SNTG2: variants seen among roughly 807,000 people sequenced by gnomAD.
The protein encoded by SNTG2 is gamma-2-syntrophin.
Under a neutral mutation model 70.9 loss-of-function variants are expected in SNTG2, and 74 were observed. The ratio of observed to expected loss-of-function variants is 1.04; its 90% confidence interval spans 0.86 to 1.27. The LOEUF (loss-of-function observed/expected upper bound fraction) is 1.27, where lower values mean the gene tolerates loss of function less well. Among genes scored for constraint, SNTG2 ranks in the 50% most tolerant of loss-of-function variants. The pLI, the probability that SNTG2 is intolerant of heterozygous loss-of-function variation, is 0.00. For synonymous variants in SNTG2, 278 were observed against 273.8 expected (o/e 1.02, Z -0.15); for missense variants, 717 against 690.7 (o/e 1.04, Z -0.43).
chr2:1,084,807 A>G (rs1307089506), intron 2 of SNTG2, among the ~76,000 whole-genome samples: 1 of 152,158 alleles, frequency 6.6e-6, no homozygotes, highest in Non-Finnish European at 1.5e-5. Flanking sequence ...TCCAGAGAGG[A>G]CGATCACTGT....
intron 14 of SNTG2, among the ~76,000 whole-genome samples, chr2:1,301,665 G>C (rs1680460439): frequency 6.6e-6 from 1 of 152,104 alleles, no homozygotes; most frequent in South Asian, 2.1e-4. Flanking sequence ...ACACTACAGA[G>C]GCCAGAAGGG....
chr2:1,114,797 G>T (rs542406551), intron 4 of SNTG2, among the ~76,000 whole-genome samples: 3 of 152,184 alleles, frequency 2.0e-5, no homozygotes, highest in South Asian at 4.1e-4. Flanking sequence ...ACTAAGGGAA[G>T]TTTAACCCTT....
chr2:951,066 C>G lies in SNTG2; in HGVS notation c.70C>G (p.Arg24Gly), dbSNP rs954775834. ...CCAGGGCTGCCTGCTGGTACCTGCG[C>G]GGGTGAGTGCGGCCCCTCAGCGCCC... ...GRQGCLLVPA[R>G]TKTTIALLYD... The change falls in exon 1 of 17, where the codon CGG (arginine) becomes GGG (glycine). Residue 24 changes from arginine (R) to glycine (G), a missense_variant and splice_region_variant. Arg to Gly is a moderately radical substitution (Grantham distance 125). Transcript: ENST00000308624. 1 of 1,261,732 alleles carries G rather than the reference C, an allele frequency of 7.9e-7. No individual in the cohort carries two copies. The highest frequency in any genetic ancestry group is 1.5e-5 in the African/African-American group (1 of 64,792). 78.2% of individuals were successfully genotyped at this position (1,261,732 alleles called of 1,614,324 possible). A position where few individuals can be genotyped will look rare whatever the true frequency, so the allele number is the denominator to read the frequency against.
Position 1,091,002 on chromosome 2 carries a change from A to T in SNTG2, c.211-7194A>T, listed in dbSNP as rs2148191457. 2.0e-5 allele frequency among the ~76,000 whole-genome samples: 3 copies of T among 152,304 alleles called. No homozygotes were observed. In the Middle Eastern group the frequency reaches 0.01, roughly 518 times the overall value. On this transcript the variant is annotated intron_variant, in intron 2 of 16. Transcript: ENST00000308624. ...ATGATCATTTTAGAGAGAAAGTGTAACAACCACCTGACCACCACCTGATGG... is the reference window on the plus strand; with the variant it reads ...ATGATCATTTTAGAGAGAAAGTGTATCAACCACCTGACCACCACCTGATGG...
intron 16 of SNTG2, among the ~76,000 whole-genome samples, chr2:1,346,757 C>T (rs542675870): frequency 1.5e-4 from 23 of 152,156 alleles, no homozygotes; most frequent in African/African-American, 5.5e-4. Flanking sequence ...TCATGTGAAC[C>T]GTAAGTCAGT....
chr2:1,057,234 C>A (rs1275319166), intron 1 of SNTG2, among the ~76,000 whole-genome samples: 1 of 152,098 alleles, frequency 6.6e-6, no homozygotes, highest in Admixed American at 6.5e-5. Flanking sequence ...ACTGTGCTTT[C>A]TGTAATTATA....
At chr2:1,268,133 T>G (rs921951363) in intron 14 of SNTG2, among the ~76,000 whole-genome samples, 9 of 152,202 alleles carry the variant, frequency 5.9e-5, no homozygotes, top group Non-Finnish European at 8.8e-5. Flanking sequence ...GAATGCATTA[T>G]AATCCTCCTT....
At chr2:1,224,010 G>A (rs569736863) in intron 9 of SNTG2, among the ~76,000 whole-genome samples, 4 of 152,198 alleles carry the variant, frequency 2.6e-5, no homozygotes, top group African/African-American at 9.6e-5. Flanking sequence ...GGGTCAGGTG[G>A]TCAGTCTGGT....
intron 11 of SNTG2, among the ~76,000 whole-genome samples, chr2:1,245,784 A>T (rs980453785): frequency 3.3e-5 from 5 of 152,224 alleles, no homozygotes; most frequent in Non-Finnish European, 5.9e-5. Flanking sequence ...GGAGTAAATT[A>T]CACATCAGTG....
At chr2:1,195,409 G>A (rs28546400) in intron 8 of SNTG2, among the ~76,000 whole-genome samples, 35,717 of 151,740 alleles carry the variant, frequency 0.24, 4,909 homozygotes, top group East Asian at 0.44. Flanking sequence ...TTTAATGATC[G>A]CCATTCCAAC....
chr2:1,069,866 C>G (rs909207974), intron 1 of SNTG2, among the ~76,000 whole-genome samples: 2 of 152,072 alleles, frequency 1.3e-5, no homozygotes, highest in Non-Finnish European at 1.5e-5. Context: ...TAACTCAGCT[C>G]AAGAGATGTC....
chr2:1,358,117 A>G (rs1406400478), intron 16 of SNTG2, among the ~76,000 whole-genome samples: 3 of 152,006 alleles, frequency 2.0e-5, no homozygotes, highest in East Asian at 1.9e-4. Context: ...CCTTTCCTCT[A>G]CTTACAAAGA....
intron 16 of SNTG2, among the ~76,000 whole-genome samples, chr2:1,362,774 G>A (rs571772334): frequency 6.7e-6 from 1 of 149,488 alleles, no homozygotes; most frequent in South Asian, 2.1e-4. Context: ...GAAGGTCACC[G>A]ACGCTGAGCA....
chr2:1,308,412 G>A (rs1680810928), intron 14 of SNTG2, 82 bp from the exon 15 acceptor site: 6 of 1,264,410 alleles, frequency 4.7e-6, no homozygotes, highest in African/African-American at 1.5e-5. Context: ...TTGACCAAAG[G>A]GGGGTTAATA....
At chr2:1,241,984 T>TACCCAAATAA (rs1677080865) in intron 11 of SNTG2, among the ~76,000 whole-genome samples, 1 of 152,240 alleles carries the variant, frequency 6.6e-6, no homozygotes, top group South Asian at 2.1e-4. Flanking sequence ...AAAGTTGTAC[T>TACCCAAATAA]GGGTAATTTA....
intron 1 of SNTG2, among the ~76,000 whole-genome samples, chr2:1,075,917 C>T (rs538528397): frequency 6.6e-4 from 101 of 152,298 alleles, no homozygotes; most frequent in African/African-American, 2.3e-3. Context: ...TACCCATTTG[C>T]GTGTCTGAAT....
chr2:1,074,460 CAGGT>C (rs1346187472), intron 1 of SNTG2, among the ~76,000 whole-genome samples: 2 of 152,174 alleles, frequency 1.3e-5, no homozygotes, highest in African/African-American at 2.4e-5. Context: ...TTAATTAAAA[CAGGT>C]AGAATAAACA....
rs368695045 is a variant in SNTG2 at position 1,341,846 on chromosome 2, CTT to C, written c.1489-25481_1489-25480del. The C allele has an allele frequency of 3.4e-3, 465 of 137,216 alleles. 1 individual carries two copies. The highest frequency in any genetic ancestry group is 0.01 in the African/African-American group (399 of 38,010). 8.5% of individuals were successfully genotyped at this position (137,216 alleles called of 1,614,324 possible). ...TCTTTTTGTTTCCTAATTTTTATCG[CTT>C]TTTTTTTTTTTTTTTGAGATAGGGT... On this transcript the variant is annotated intron_variant, in intron 16 of 16. Coordinates refer to ENST00000308624, the MANE Select transcript of SNTG2 (RefSeq NM_018968.4).
At chr2:1,171,392 T>G (rs1671116381) in intron 7 of SNTG2, among the ~76,000 whole-genome samples, 1 of 152,222 alleles carries the variant, frequency 6.6e-6, no homozygotes, top group Admixed American at 6.5e-5. Context: ...ACTTTGGGAT[T>G]TTGGAAGACT....
Sources: allele counts gnomAD v4.1 joint callset (sites outside exome capture counted in the v4.1 genomes callset), GRCh38; gene constraint gnomAD v4.1.1; transcripts MANE v1.5; gene names NCBI Gene and HGNC (gene_info 2026-07-23, HGNC 2026-07-21).